Variants in TRIQK observed in about 807,000 individuals in gnomAD.
TRIQK encodes the protein triple QxxK/R motif containing, also known as triple QxxK/R motif-containing protein.
A neutral mutation model predicts 10.8 loss-of-function variants in TRIQK; 10 were observed. The observed-to-expected ratio is 0.92, with a 90% CI of 0.57 to 1.57. The LOEUF is 1.57. TRIQK is among the 40% of genes most tolerant of loss of function. The probability of loss-of-function intolerance (pLI) is 0.00; values close to 1 mark genes in which losing one functional copy is unlikely to be tolerated. For missense variants in TRIQK, 107 were observed against 97.7 expected, an observed-to-expected ratio of 1.09 and a Z score of -0.40; for synonymous variants, 33 against 33.7, an observed-to-expected ratio of 0.98 and a Z score of 0.07.
chr8:92,976,366 G>T (rs1012666520), intron 1 of TRIQK, among the ~76,000 whole-genome samples: 3 of 151,904 alleles, frequency 2.0e-5, no homozygotes, highest in African/African-American at 7.2e-5. Flanking sequence ...AAGATTAACT[G>T]ACTCCTTCAT....
chr8:92,892,139 AAATGTCAAAG>A, intron 3 of TRIQK, 65 bp from the exon 4 acceptor site: 1 of 1,142,920 alleles, frequency 8.7e-7, no homozygotes, highest in Admixed American at 2.4e-5. Flanking sequence ...CAATCATTTG[AAATGTCAAAG>A]AATGTTTAAA....
At chr8:92,990,533 G>A (rs1450781873) in intron 1 of TRIQK, among the ~76,000 whole-genome samples, 2 of 152,104 alleles carry the variant, frequency 1.3e-5, no homozygotes, top group African/African-American at 4.8e-5. Context: ...GGTGATTTCT[G>A]CATTTCCAAC....
intron 1 of TRIQK, among the ~76,000 whole-genome samples, chr8:92,999,372 T>A (rs983413663): frequency 6.6e-6 from 1 of 152,186 alleles, no homozygotes; most frequent in Non-Finnish European, 1.5e-5. Context: ...GAATTTGAAA[T>A]TTATGGCAAA....
At chr8:92,967,719 G>A (rs187949885), upstream of TRIQK, among the ~76,000 whole-genome samples, 466 of 151,080 alleles carry the variant, frequency 3.1e-3, 2 homozygotes, top group Non-Finnish European at 4.8e-3. Context: ...CTACTCAGGA[G>A]CCTGAGGCAG....
At chr8:92,911,731 G>T (rs916455222) in intron 3 of TRIQK, among the ~76,000 whole-genome samples, 1 of 150,536 alleles carries the variant, frequency 6.6e-6, no homozygotes, top group Non-Finnish European at 1.5e-5. Context: ...AAGATATAAT[G>T]ATTATAAATT....
intron 2 of TRIQK, among the ~76,000 whole-genome samples, chr8:92,943,030 A>G (rs1265385248): frequency 6.6e-6 from 1 of 152,092 alleles, no homozygotes; most frequent in Non-Finnish European, 1.5e-5. Context: ...CTAAAAGCAA[A>G]CTATCTAAAA....
At chr8:92,888,634 G>A (rs534396621) in intron 4 of TRIQK, among the ~76,000 whole-genome samples, 1 of 151,460 alleles carries the variant, frequency 6.6e-6, no homozygotes, top group African/African-American at 2.4e-5. Context: ...ATAACTTAGA[G>A]ACCTATAGGC....
chr8:92,891,881 T>C (rs1563610453), intron 4 of TRIQK, 108 bp downstream of exon 4: 2 of 762,638 alleles, frequency 2.6e-6, no homozygotes, highest in South Asian at 2.1e-5. Context: ...TCTATTTAGA[T>C]TGTGAAATGT....
intron 1 of TRIQK, among the ~76,000 whole-genome samples, chr8:92,996,783 A>C (rs574492002): frequency 6.6e-6 from 1 of 152,102 alleles, no homozygotes; most frequent in Non-Finnish European, 1.5e-5. Flanking sequence ...GAAGTTTAAT[A>C]AGGAGTCTTT....
chr8:92,906,098 C>T (rs1460236924), intron 3 of TRIQK, among the ~76,000 whole-genome samples: 1 of 152,066 alleles, frequency 6.6e-6, no homozygotes, highest in Non-Finnish European at 1.5e-5. Flanking sequence ...ACCCAAAGGG[C>T]AATGAAAAAG....
In TRIQK at chr8:92,992,192, G is replaced by C. The variant is rs971894777; in HGVS notation, c.-181+25417C>G. Among the ~76,000 whole-genome samples, 11 of 152,230 alleles carry C rather than the reference G, an allele frequency of 7.2e-5. No homozygotes were observed. In the East Asian group the frequency reaches 1.5e-3, roughly 21 times the overall value. ...AAGCAAAAGCAATCCACTGCTGGGA[G>C]AGAAACAGGAAACTCCTGCCCCCAG... On this transcript the variant is annotated intron_variant, in intron 1 of 4. Transcript: ENST00000520686.
chr8:92,943,218 A>G (rs1376981016), intron 2 of TRIQK, among the ~76,000 whole-genome samples: 1 of 152,204 alleles, frequency 6.6e-6, no homozygotes, highest in Non-Finnish European at 1.5e-5. Context: ...GAATTGGAAG[A>G]ATCACTATTG....
upstream of TRIQK, among the ~76,000 whole-genome samples, chr8:92,966,770 T>C (rs1425798614): frequency 1.3e-5 from 2 of 152,148 alleles, no homozygotes; most frequent in African/African-American, 4.8e-5. Context: ...AAACACAGGC[T>C]AGGAAAGGCT....
intron 3 of TRIQK, among the ~76,000 whole-genome samples, chr8:92,900,570 G>A (rs1808879091): frequency 1.3e-5 from 2 of 152,060 alleles, no homozygotes; most frequent in South Asian, 4.1e-4. Flanking sequence ...ATTTGTTTCT[G>A]AGTTCTCTAT....
intron 1 of TRIQK, among the ~76,000 whole-genome samples, chr8:92,991,984 A>G (rs867711488): frequency 2.2e-4 from 33 of 152,266 alleles, no homozygotes; most frequent in African/African-American, 7.7e-4. Context: ...ACTACAAACC[A>G]CTGCTCAACG....
intron 1 of TRIQK, among the ~76,000 whole-genome samples, chr8:92,996,140 A>G (rs1046662507): frequency 3.9e-5 from 6 of 152,078 alleles, no homozygotes; most frequent in African/African-American, 1.4e-4. Context: ...AAATATTTCA[A>G]TGACTTTTGA....
chr8:92,909,475 A>G (rs1809456733), intron 3 of TRIQK, among the ~76,000 whole-genome samples: 2 of 151,872 alleles, frequency 1.3e-5, no homozygotes, highest in Admixed American at 6.6e-5. Flanking sequence ...TAAATTCATC[A>G]TTGAAAATAA....
At chr8:92,967,749 G>T (rs1157544614), upstream of TRIQK, among the ~76,000 whole-genome samples, 3 of 148,970 alleles carry the variant, frequency 2.0e-5, no homozygotes, top group African/African-American at 7.4e-5. Flanking sequence ...TTGAGCCCGG[G>T]AGGCAGAGGT....
At chr8:92,912,204 A>G (rs1809607421) in intron 3 of TRIQK, among the ~76,000 whole-genome samples, 2 of 151,754 alleles carry the variant, frequency 1.3e-5, no homozygotes, top group African/African-American at 4.8e-5. Flanking sequence ...AGATTTAAGA[A>G]GACTGAAATT....
Sources: allele counts gnomAD v4.1 joint callset (sites outside exome capture counted in the v4.1 genomes callset), GRCh38; gene constraint gnomAD v4.1.1; transcripts MANE v1.5; gene names NCBI Gene and HGNC (gene_info 2026-07-23, HGNC 2026-07-21).